MAN1A2: variants seen among roughly 807,000 people sequenced by gnomAD.
MAN1A2 encodes mannosidase alpha class 1A member 2, also known as mannosyl-oligosaccharide 1,2-alpha-mannosidase IB.
A neutral mutation model predicts 75.7 loss-of-function variants in MAN1A2; 26 were observed. That is an observed-to-expected ratio of 0.34 (90% CI 0.25 to 0.48). MAN1A2 has a LOEUF of 0.48. Ranked by LOEUF, MAN1A2 falls within the 20% of genes least tolerant of loss-of-function variation. The pLI is 0.99. For synonymous variants in MAN1A2, 247 were observed against 264.6 expected (o/e 0.93, Z 0.65); for missense variants, 562 against 775.5 (o/e 0.72, Z 3.27).
At chr1:117,459,070 T>C (rs1193475703) in intron 6 of MAN1A2, among the ~76,000 whole-genome samples, 1 of 152,104 alleles carries the variant, frequency 6.6e-6, no homozygotes, top group Non-Finnish European at 1.5e-5. Flanking sequence ...GGGGCTGTGA[T>C]CCTAAGGTCA....
chr1:117,492,390 A>G (rs1405387827), intron 8 of MAN1A2, among the ~76,000 whole-genome samples: 5 of 152,136 alleles, frequency 3.3e-5, no homozygotes, highest in African/African-American at 1.2e-4. Context: ...TTGCATTTTT[A>G]GCAATAAAGT....
chr1:117,471,777 C>A (rs1048443473), intron 8 of MAN1A2, among the ~76,000 whole-genome samples: 6 of 151,516 alleles, frequency 4.0e-5, no homozygotes, highest in African/African-American at 4.8e-5. Context: ...ATTTCTAATT[C>A]ACATTCTTCC....
chr1:117,480,400 T>A (rs949853547), intron 8 of MAN1A2, among the ~76,000 whole-genome samples: 1 of 151,892 alleles, frequency 6.6e-6, no homozygotes, highest in Admixed American at 6.6e-5. Context: ...TTTTCCATCA[T>A]TTAGCGATTA....
intron 5 of MAN1A2, among the ~76,000 whole-genome samples, chr1:117,435,536 A>G (rs573632600): frequency 6.6e-6 from 1 of 152,296 alleles, no homozygotes; most frequent in South Asian, 2.1e-4. Flanking sequence ...ATAGTAAATT[A>G]GACAATTTTG....
At chr1:117,456,675 T>G (rs906979103) in intron 6 of MAN1A2, among the ~76,000 whole-genome samples, 1 of 152,066 alleles carries the variant, frequency 6.6e-6, no homozygotes, top group Non-Finnish European at 1.5e-5. Context: ...TTTTGCATAT[T>G]AAAATGTTTA....
chr1:117,401,371 T>C (rs533617132), intron 1 of MAN1A2, among the ~76,000 whole-genome samples: 1 of 152,304 alleles, frequency 6.6e-6, no homozygotes, highest in South Asian at 2.1e-4. Context: ...ACCTATTGAC[T>C]CTTGGGTTAG....
At chr1:117,490,651 T>A (rs1005117430) in intron 8 of MAN1A2, among the ~76,000 whole-genome samples, 2 of 152,082 alleles carry the variant, frequency 1.3e-5, no homozygotes, top group African/African-American at 4.8e-5. Context: ...TCTCTCACTT[T>A]ACATCAAAAG....
At chr1:117,486,826 A>G (rs1355114396) in intron 8 of MAN1A2, among the ~76,000 whole-genome samples, 2 of 151,988 alleles carry the variant, frequency 1.3e-5, no homozygotes, top group East Asian at 3.9e-4. Context: ...GATTTTTCCC[A>G]GAGCTGAAAG....
At position 117,466,289 on chromosome 1, in the gene MAN1A2, G is replaced by T; in HGVS notation, c.1075-45G>T. On this transcript the variant is annotated intron_variant, in intron 7 of 12. Transcript: ENST00000356554. The stretch of plus-strand genomic sequence containing the variant: ...GCCTACATTAAAACCAAGCCTTGAT[G>T]ACACTTATTTTTATTAATTGCATTC... 3.2e-6 allele frequency: 4 copies of T among 1,266,552 alleles called. No individual in the cohort carries two copies. The South Asian group carries it at 3.8e-5, about 12-fold the overall frequency. The allele number at this position is 1,266,552 out of a possible 1,614,324, so 78.5% of individuals were successfully genotyped here.
chr1:117,513,525 A>G (rs1393407862), intron 12 of MAN1A2, among the ~76,000 whole-genome samples: 1 of 152,102 alleles, frequency 6.6e-6, no homozygotes, highest in African/African-American at 2.4e-5. Flanking sequence ...GAATCAGAAA[A>G]AAAGAATTGT....
At chr1:117,377,849 C>G (rs1276997164) in intron 1 of MAN1A2, among the ~76,000 whole-genome samples, 4 of 151,926 alleles carry the variant, frequency 2.6e-5, no homozygotes, top group Non-Finnish European at 5.9e-5. Context: ...GCCTGTAATC[C>G]CAGCACTTTG....
rs2101879605 is a variant in MAN1A2, at chr1:117,499,570, T to C, written c.1677+16T>C. The stretch of plus-strand genomic sequence containing the variant: ...AGCAGCACTGGTAAATAAGCCAATA[T>C]TCCATTTTATCTGCAAGAGTGTTAA... On this transcript the variant is annotated intron_variant, in intron 11 of 12. Coordinates refer to ENST00000356554, the MANE Select transcript of MAN1A2 (RefSeq NM_006699.5). The C allele has an allele frequency of 6.3e-7, 1 of 1,581,168 alleles. No homozygotes were observed. The highest frequency in any genetic ancestry group is 8.6e-7 in the Non-Finnish European group (1 of 1,164,018).
intron 6 of MAN1A2, among the ~76,000 whole-genome samples, chr1:117,458,626 C>T (rs1242502036): frequency 3.3e-5 from 5 of 149,910 alleles, no homozygotes; most frequent in South Asian, 2.1e-4. Flanking sequence ...TGGGTTTAAG[C>T]GATTCTCCTG....
chr1:117,473,660 C>G (rs1311414024), intron 8 of MAN1A2, among the ~76,000 whole-genome samples: 1 of 152,014 alleles, frequency 6.6e-6, no homozygotes, highest in Non-Finnish European at 1.5e-5. Flanking sequence ...AGCCACTACT[C>G]CCTTTGCTTG....
In MAN1A2 at chr1:117,466,415, C is replaced by T. The variant is rs754855646; in HGVS notation, c.1156C>T (p.Arg386Cys). 9 of 1,601,540 alleles carry T rather than the reference C, an allele frequency of 5.6e-6. No homozygotes were observed. Among genetic ancestry groups the T allele is most frequent in the Admixed American group, 1.7e-5 (1 of 58,522 alleles). Residue 386 changes from arginine (R) to cysteine (C), a missense_variant, in exon 8 of 13, where the codon CGC (arginine) becomes TGC (cysteine). This residue lies in a region of MAN1A2 where 434 missense variants were observed against 645.7 expected (regional missense o/e 0.67). Coordinates refer to ENST00000356554, the MANE Select transcript of MAN1A2 (RefSeq NM_006699.5). ...YPNYLNPRTG[R>C]WGQYHTSVGG... ...AAATTATTTGAACCCCAGAACAGGG[C>T]GCTGGGGTCAGTGTAAGTATTCTAG...
At chr1:117,473,767 C>T (rs1213455977) in intron 8 of MAN1A2, among the ~76,000 whole-genome samples, 1 of 151,972 alleles carries the variant, frequency 6.6e-6, no homozygotes, top group African/African-American at 2.4e-5. Flanking sequence ...CTTCCCTGGT[C>T]ACCTTACGTG....
At chr1:117,442,161 G>A in intron 5 of MAN1A2, 70 bp from the exon 6 acceptor site, 3 of 961,500 alleles carry the variant, frequency 3.1e-6, no homozygotes, top group Non-Finnish European at 5.1e-6. Flanking sequence ...TGTATACTAT[G>A]AGAGAGAGAG....
At position 117,449,445 on chromosome 1, in the gene MAN1A2, G is replaced by A. The variant is rs116670151; in HGVS notation, c.950+7120G>A. Among the ~76,000 whole-genome samples, 580 of 151,690 alleles carry A rather than the reference G, an allele frequency of 3.8e-3. 7 individuals are homozygous for A. Among genetic ancestry groups the A allele is most frequent in the African/African-American group, 0.013 (551 of 41,330 alleles). Reference sequence around the variant, plus strand: ...ATGGTGGTGTGTGCCTGTAGTACCAGTTACTTGGGAAGCCAAGGTGGGAGG... The same window carrying A: ...ATGGTGGTGTGTGCCTGTAGTACCAATTACTTGGGAAGCCAAGGTGGGAGG... On this transcript the variant is annotated intron_variant, in intron 6 of 12. Transcript: ENST00000356554.
intron 12 of MAN1A2, among the ~76,000 whole-genome samples, chr1:117,521,536 C>T (rs765453023): frequency 2.0e-5 from 3 of 151,850 alleles, no homozygotes; most frequent in Non-Finnish European, 2.9e-5. Context: ...TATATGTGGG[C>T]GTGGATGCAG....
Sources: allele counts gnomAD v4.1 joint callset (sites outside exome capture counted in the v4.1 genomes callset), GRCh38; gene constraint gnomAD v4.1.1; regional missense constraint gnomAD v4.1.1; transcripts MANE v1.5; gene names NCBI Gene and HGNC (gene_info 2026-07-23, HGNC 2026-07-21).